Variants in ZBTB45 observed in about 807,000 individuals in gnomAD.
ZBTB45 encodes the protein zinc finger and BTB domain containing 45, also known as zinc finger and BTB domain-containing protein 45.
In ZBTB45, 22 loss-of-function variants were observed where a neutral mutation model predicts 28.4. The observed-to-expected ratio is 0.77, with a 90% CI of 0.55 to 1.10. The LOEUF is 1.10. ZBTB45 is among the 50% of genes least tolerant of loss of function. The pLI, the probability that ZBTB45 is intolerant of heterozygous loss-of-function variation, is 0.00. For synonymous variants in ZBTB45, 361 were observed against 332.3 expected (o/e 1.09, Z -0.94); for missense variants, 656 against 750.2 (o/e 0.87, Z 1.47).
rs748391535 is a variant in ZBTB45 at position 58,517,281 on chromosome 19, AGAG to A, written c.390_392del (p.Ser131del). On this transcript the variant is annotated inframe_deletion, in exon 2 of 3. Transcript: ENST00000594051. The stretch of plus-strand genomic sequence containing the variant: ...CAGGGGTGGGCAGGGGCGTGGGCGC[AGAG>A]GTGCCCGGGGCTCGAGCGCGGGCGA... 6 of 1,596,006 alleles carry A rather than the reference AGAG, an allele frequency of 3.8e-6. No homozygotes were observed. The highest frequency in any genetic ancestry group is 5.1e-6 in the Non-Finnish European group (6 of 1,174,408).
upstream of ZBTB45, among the ~76,000 whole-genome samples, chr19:58,521,371 AAAAAAAAAAAAAAG>A (rs1490239608): frequency 7.1e-6 from 1 of 140,180 alleles, no homozygotes; most frequent in Non-Finnish European, 1.6e-5. Context: ...AGTCTCAAAA[AAAAAAAAAAAAAAG>A]AAAGAAAGAA....
intron 1 of ZBTB45, among the ~76,000 whole-genome samples, chr19:58,529,354 C>T (rs1298183025): frequency 1.3e-5 from 2 of 152,104 alleles, no homozygotes; most frequent in African/African-American, 4.8e-5. Flanking sequence ...GATGGCAGCC[C>T]GAGGAGGTTG....
intron 1 of ZBTB45, among the ~76,000 whole-genome samples, chr19:58,532,971 A>G (rs959081711): frequency 2.0e-5 from 3 of 152,106 alleles, no homozygotes; most frequent in African/African-American, 7.2e-5. Flanking sequence ...GGTAGCTGGG[A>G]TTACAGGCAT....
chr19:58,514,425 G>A (rs925668755), intron 2 of ZBTB45, 115 bp from the exon 3 acceptor site: 21 of 1,231,862 alleles, frequency 1.7e-5, no homozygotes, highest in African/African-American at 2.3e-5. Flanking sequence ...CTCCCCTCCC[G>A]AACCACCACC....
chr19:58,516,510 G>A lies in ZBTB45; in HGVS notation c.1164C>T (p.Pro388=), dbSNP rs747435467. 3.7e-6 allele frequency: 6 copies of A among 1,613,514 alleles called. No homozygotes were observed. Among genetic ancestry groups the A allele is most frequent in the Non-Finnish European group, 4.2e-6 (5 of 1,179,726 alleles). The change falls in exon 2 of 3, where the codon CCC becomes CCT. Residue 388 remains proline (P), a synonymous_variant. Transcript: ENST00000594051. The surrounding 1 kb of genome is among the most constrained non-coding windows in gnomAD (Gnocchi z 6.2). ...PAPSAAPTTA[P]SGTPARTPGA... ...CTGGGGTGCGAGCAGGGGTGCCTGA[G>A]GGGGCCGTGGTGGGAGCAGCAGAGG...
chr19:58,517,080 T>C lies in ZBTB45; in HGVS notation c.594A>G (p.Ser198=). ...AKAEGPDADP[S]LSAAPDDRGD... is the part of the protein sequence containing the mutation. ...CTCGGTCATCAGGGGCCGCGGACAG[T>C]GAGGGGTCAGCATCAGGCCCCTCAG... Residue 198 remains serine (S), a synonymous_variant, in exon 2 of 3, where the codon TCA becomes TCG. Coordinates refer to ENST00000594051, the MANE Select transcript of ZBTB45 (RefSeq NM_001316979.2). 6.2e-7 allele frequency: 1 copy of C among 1,613,120 alleles called. No individual in the cohort carries two copies. Among genetic ancestry groups the C allele is most frequent in the Non-Finnish European group, 8.5e-7 (1 of 1,179,954 alleles).
At chr19:58,520,116 T>C (rs778870114), upstream of ZBTB45, 10 of 152,164 alleles carry the variant, frequency 6.6e-5, no homozygotes, top group Non-Finnish European at 1.5e-4. Flanking sequence ...GCCCAACGTG[T>C]TCTGGCCAGT....
Position 58,517,353 on chromosome 19 carries a change from T to A in ZBTB45, c.321A>T (p.Ser107=), listed in dbSNP as rs1401727145. The change falls in exon 2 of 3, where the codon TCA becomes TCT. Residue 107 remains serine, a synonymous_variant. Transcript: ENST00000594051. ...GEALQVLTAA[S]VLRIQTVIDE... ...CGATAACTGTCTGTATGCGAAGCAC[T>A]GACGCGGCCGTGAGCACCTGCAGGG... 6.2e-7 allele frequency: 1 copy of A among 1,612,194 alleles called. No homozygotes were observed. Among genetic ancestry groups the A allele is most frequent in the Non-Finnish European group, 8.5e-7 (1 of 1,179,872 alleles).
At chr19:58,522,187 G>T (rs1352007059), upstream of ZBTB45, among the ~76,000 whole-genome samples, 2 of 145,206 alleles carry the variant, frequency 1.4e-5, no homozygotes, top group Admixed American at 7.1e-5. Flanking sequence ...CTGAGACAAA[G>T]TCTCGCTCTT....
intron 1 of ZBTB45, among the ~76,000 whole-genome samples, chr19:58,518,122 AC>A (rs1320217481): frequency 2.0e-5 from 3 of 147,834 alleles, no homozygotes; most frequent in Non-Finnish European, 4.4e-5. Flanking sequence ...AACCTGCCTC[AC>A]CCCGAGTAGA....
chr19:58,531,864 C>T (rs2053637054), intron 1 of ZBTB45, among the ~76,000 whole-genome samples: 1 of 152,136 alleles, frequency 6.6e-6, no homozygotes, highest in Non-Finnish European at 1.5e-5. Flanking sequence ...TCTTTGGGCA[C>T]CTCTTACTTT....
upstream of ZBTB45, among the ~76,000 whole-genome samples, chr19:58,521,923 G>A (rs967128855): frequency 1.3e-5 from 2 of 152,142 alleles, no homozygotes; most frequent in Admixed American, 6.6e-5. Flanking sequence ...GACAGGGTCA[G>A]GATGCCTGTC....
upstream of ZBTB45, among the ~76,000 whole-genome samples, chr19:58,522,794 C>A (rs1189195454): frequency 6.6e-6 from 1 of 152,090 alleles, no homozygotes; most frequent in Non-Finnish European, 1.5e-5. Flanking sequence ...TGCATGAGGC[C>A]TCTGAGGAGG....
chr19:58,523,613 A>T (rs201507185), upstream of ZBTB45, among the ~76,000 whole-genome samples: 4 of 326 alleles, frequency 0.012, no homozygotes, highest in Non-Finnish European at 0.038. Context: ...GCAGTGAGCC[A>T]GAGATCAGCT....
chr19:58,524,186 A>G (rs973605017), upstream of ZBTB45, among the ~76,000 whole-genome samples: 2 of 150,658 alleles, frequency 1.3e-5, no homozygotes, highest in African/African-American at 4.9e-5. Context: ...ACATGGCAAA[A>G]CCCCGTCTCC....
At chr19:58,538,598 G>T (rs1321834030) in intron 1 of ZBTB45, 5 of 152,242 alleles carry the variant, frequency 3.3e-5, no homozygotes, top group African/African-American at 1.2e-4. Flanking sequence ...CCGGCCCAGC[G>T]GTCGACGCGC....
intron 1 of ZBTB45, among the ~76,000 whole-genome samples, chr19:58,526,525 A>ATTATTTT (rs1568649871): frequency 7.6e-6 from 1 of 131,014 alleles, no homozygotes; most frequent in Admixed American, 7.8e-5. Context: ...TATTATTATT[A>ATTATTTT]TTTTTTTTTT....
At chr19:58,529,588 T>C (rs2053625897) in intron 1 of ZBTB45, among the ~76,000 whole-genome samples, 1 of 152,180 alleles carries the variant, frequency 6.6e-6, no homozygotes, top group African/African-American at 2.4e-5. Context: ...TAACCTTCTG[T>C]CTAAACAAAT....
At chr19:58,532,716 G>A (rs1382735134) in intron 1 of ZBTB45, among the ~76,000 whole-genome samples, 2 of 150,416 alleles carry the variant, frequency 1.3e-5, no homozygotes, top group African/African-American at 4.9e-5. Context: ...CCAGCTCATT[G>A]TTTGTGTTTT....
Sources: allele counts gnomAD v4.1 joint callset (sites outside exome capture counted in the v4.1 genomes callset), GRCh38; gene constraint gnomAD v4.1.1; non-coding constraint Gnocchi (gnomAD v3.1); transcripts MANE v1.5; gene names NCBI Gene and HGNC (gene_info 2026-07-23, HGNC 2026-07-21).